Variants in TNFRSF10B observed in about 807,000 individuals in gnomAD.
TNFRSF10B encodes the protein tumor necrosis factor receptor superfamily member 10B.
Under a neutral mutation model 41.4 loss-of-function variants are expected in TNFRSF10B, and 35 were observed. That is an observed-to-expected ratio of 0.85 (90% CI 0.65 to 1.12). TNFRSF10B has a LOEUF of 1.12. Among genes scored for constraint, TNFRSF10B ranks in the 50% most tolerant of loss-of-function variants. The pLI, the probability that TNFRSF10B is intolerant of heterozygous loss-of-function variation, is 0.00. For missense variants in TNFRSF10B, 584 were observed against 552.7 expected (o/e 1.06, Z -0.57); for synonymous variants, 230 against 215.5 (o/e 1.07, Z -0.59).
chr8:23,045,142 ATCACTTGAACC>A (rs1188636531), intron 1 of TNFRSF10B, among the ~76,000 whole-genome samples: 1 of 151,806 alleles, frequency 6.6e-6, no homozygotes, highest in African/African-American at 2.4e-5. Context: ...GGGCACAAAA[ATCACTTGAACC>A]TGGGAGGTGA....
chr8:23,041,603 T>TAAA lies in TNFRSF10B; in HGVS notation c.250+1532_250+1534dup, dbSNP rs199893473. On this transcript the variant is annotated intron_variant, in intron 2 of 8. Transcript: ENST00000276431. ...TAAGAATTCATGTGACTCAATGATT[T>TAAA]AAAAAAAAAAAAAAAAAAAACCTAA... Among the ~76,000 whole-genome samples, 360 of 121,236 alleles carry TAAA rather than the reference T, an allele frequency of 3.0e-3. 2 individuals carry two copies. The highest frequency in any genetic ancestry group is 9.5e-3 in the African/African-American group (307 of 32,272). The allele number at this position is 121,236 out of a possible 152,430, so 79.5% of individuals were successfully genotyped here. A position where few individuals can be genotyped will look rare whatever the true frequency, so the allele number is the denominator to read the frequency against.
At chr8:23,065,280 G>A (rs1812950211) in intron 1 of TNFRSF10B, among the ~76,000 whole-genome samples, 1 of 152,210 alleles carries the variant, frequency 6.6e-6, no homozygotes, top group African/African-American at 2.4e-5. Context: ...TCAGCTCACT[G>A]CGTAAGGACA....
In TNFRSF10B at chr8:23,035,340, C is replaced by T. The variant is rs548421497; in HGVS notation, c.251-4468G>A. On this transcript the variant is annotated intron_variant, in intron 2 of 8. Transcript: ENST00000276431. Reference sequence around the variant, plus strand: ...TATTTTTAGTAGAGATGAGGTTTCACCATGTTGGCCAGGCTGGTCTAGAAC... The same window carrying T: ...TATTTTTAGTAGAGATGAGGTTTCATCATGTTGGCCAGGCTGGTCTAGAAC... Among the ~76,000 whole-genome samples the T allele has an allele frequency of 5.3e-5, 8 of 152,170 alleles. No individual in the cohort carries two copies. The East Asian group carries it at 1.5e-3, about 29-fold the overall frequency.
chr8:23,067,607 G>A (rs1027488843), intron 1 of TNFRSF10B, among the ~76,000 whole-genome samples: 3 of 152,184 alleles, frequency 2.0e-5, no homozygotes, highest in Admixed American at 1.3e-4. Context: ...GGGGGAGGCA[G>A]AGGCCCCTGT....
chr8:23,036,965 T>C (rs1346279612), intron 2 of TNFRSF10B, among the ~76,000 whole-genome samples: 2 of 152,108 alleles, frequency 1.3e-5, no homozygotes, highest in East Asian at 1.9e-4. Context: ...TGGTCAATGA[T>C]TTGGCTGGAG....
At chr8:23,064,138 C>G (rs1175900997) in intron 1 of TNFRSF10B, among the ~76,000 whole-genome samples, 1 of 152,224 alleles carries the variant, frequency 6.6e-6, no homozygotes, top group African/African-American at 2.4e-5. Flanking sequence ...TCATTAACCC[C>G]AAAGTCCATG....
intron 1 of TNFRSF10B, among the ~76,000 whole-genome samples, chr8:23,060,160 T>C (rs1812791492): frequency 6.7e-6 from 1 of 148,980 alleles, no homozygotes; most frequent in Admixed American, 6.6e-5. Context: ...CCAAAATGTT[T>C]ATTTTTTCTT....
intron 6 of TNFRSF10B, 125 bp from the exon 7 acceptor site, chr8:23,027,413 C>G: frequency 8.1e-7 from 1 of 1,233,854 alleles, no homozygotes; most frequent in Non-Finnish European, 1.2e-6. Flanking sequence ...TCACCGCAGG[C>G]AGCCCAGACT....
At chr8:23,046,490 A>G (rs1812363659) in intron 1 of TNFRSF10B, among the ~76,000 whole-genome samples, 1 of 152,122 alleles carries the variant, frequency 6.6e-6, no homozygotes. Context: ...ACTTGGAAGA[A>G]CTAATATTGT....
At chr8:23,068,096 TTCTCCTAAA>T (rs1175907351) in intron 1 of TNFRSF10B, 1 of 153,078 alleles carries the variant, frequency 6.5e-6, no homozygotes, top group African/African-American at 2.4e-5. Context: ...CACAACTCCC[TTCTCCTAAA>T]TCTCGTTTTC....
intron 2 of TNFRSF10B, among the ~76,000 whole-genome samples, chr8:23,038,225 G>A (rs750935347): frequency 6.6e-6 from 1 of 152,182 alleles, no homozygotes; most frequent in East Asian, 1.9e-4. Context: ...TGTGAGTAAA[G>A]TCAATGGAAA....
chr8:23,054,578 T>C (rs1371877287), intron 1 of TNFRSF10B, among the ~76,000 whole-genome samples: 1 of 152,188 alleles, frequency 6.6e-6, no homozygotes, highest in East Asian at 1.9e-4. Context: ...TTGACTTTGC[T>C]CTCCTTTAAG....
chr8:23,056,835 A>G (rs552077057), intron 1 of TNFRSF10B, among the ~76,000 whole-genome samples: 54 of 152,124 alleles, frequency 3.5e-4, no homozygotes, highest in Non-Finnish European at 4.4e-4. Context: ...TCTATTTCCA[A>G]TTGAATTTCA....
At position 23,068,459 on chromosome 8, in the gene TNFRSF10B, C is replaced by T. The variant is rs1021211999; in HGVS notation, c.144+292G>A. 6 of 524,060 alleles carry T rather than the reference C, an allele frequency of 1.1e-5. No individual in the cohort carries two copies. In the East Asian group the frequency reaches 1.7e-4, roughly 14 times the overall value. 32.5% of individuals were successfully genotyped at this position (524,060 alleles called of 1,614,324 possible). A position where few individuals can be genotyped will look rare whatever the true frequency, so the allele number is the denominator to read the frequency against. ...ACAAAATCAAAGTCCGACGACCTCT[C>T]CGTGGCTTCACGCAGCTTACTCGGG... On this transcript the variant is annotated intron_variant, in intron 1 of 8. Coordinates refer to ENST00000276431, the MANE Select transcript of TNFRSF10B (RefSeq NM_003842.5).
intron 2 of TNFRSF10B, among the ~76,000 whole-genome samples, chr8:23,042,372 C>A (rs915956995): frequency 3.9e-5 from 6 of 152,320 alleles, no homozygotes; most frequent in Non-Finnish European, 8.8e-5. Context: ...GCCCTGGAAA[C>A]CTTCATGCAG....
At chr8:23,044,447 T>C (rs1585218029) in intron 1 of TNFRSF10B, among the ~76,000 whole-genome samples, 2 of 152,074 alleles carry the variant, frequency 1.3e-5, no homozygotes, top group East Asian at 3.9e-4. Flanking sequence ...CTAAAATATA[T>C]AAAAAACTCC....
Position 23,021,077 on chromosome 8 carries a change from C to A in TNFRSF10B, c.*1594G>T, listed in dbSNP as rs777873367. On this transcript the variant is annotated 3_prime_UTR_variant, in exon 9 of 9. Transcript: ENST00000276431. ...GAACAAAACACACAATGCCTTGAGACAGAAAAGACCAAAAACTCCTGGAAT... is the reference window on the plus strand; with the variant it reads ...GAACAAAACACACAATGCCTTGAGAAAGAAAAGACCAAAAACTCCTGGAAT... 1.3e-4 allele frequency: 58 copies of A among 453,974 alleles called. No homozygotes were observed. The highest frequency in any genetic ancestry group is 1.1e-3 in the African/African-American group (56 of 49,986). 28.1% of individuals were successfully genotyped at this position (453,974 alleles called of 1,614,324 possible).
intron 8 of TNFRSF10B, among the ~76,000 whole-genome samples, chr8:23,023,968 C>T (rs540980475): frequency 6.6e-6 from 1 of 151,972 alleles, no homozygotes; most frequent in Non-Finnish European, 1.5e-5. Flanking sequence ...AGGGGACGGA[C>T]AGAGTCATTA....
At chr8:23,040,136 G>A (rs548482561) in intron 2 of TNFRSF10B, among the ~76,000 whole-genome samples, 18 of 150,786 alleles carry the variant, frequency 1.2e-4, no homozygotes, top group African/African-American at 4.4e-4. Context: ...AGCTGAGATC[G>A]CACCACTGCA....
Sources: gnomAD v4.1 joint callset for allele counts (sites outside exome capture counted in the v4.1 genomes callset) on GRCh38, gnomAD v4.1.1 for gene constraint, MANE v1.5 for transcripts, NCBI Gene and HGNC (gene_info 2026-07-23, HGNC 2026-07-21) for gene names.